Variants in DNAH9 observed in about 807,000 individuals in gnomAD.
DNAH9 encodes DNAH9 variant protein.
A neutral mutation model predicts 471.6 loss-of-function variants in DNAH9; 345 were observed. The ratio of observed to expected loss-of-function variants is 0.73; its 90% confidence interval spans 0.67 to 0.80. The LOEUF is 0.80. Ranked by LOEUF, DNAH9 falls within the 30% of genes least tolerant of loss-of-function variation. DNAH9 has a pLI of 0.00. For synonymous variants in DNAH9, 2,093 were observed against 2,123.6 expected, an observed-to-expected ratio of 0.99 and a Z score of 0.40; for missense variants, 5,407 against 5,609.2, an observed-to-expected ratio of 0.96 and a Z score of 1.15.
rs1014797770 is a variant in DNAH9 at position 11,654,417 on chromosome 17, T to A, written c.2595+1415T>A. Among the ~76,000 whole-genome samples, 3 of 150,306 alleles carry A rather than the reference T, an allele frequency of 2.0e-5. No individual in the cohort carries two copies. The South Asian group carries it at 6.4e-4, about 32-fold the overall frequency. On this transcript the variant is annotated intron_variant, in intron 14 of 68. Transcript: ENST00000262442. ...CTATCATCCATCTATCGTCTATGTATCTATCTATTGATGTATCACCTATCT... is the reference window on the plus strand; with the variant it reads ...CTATCATCCATCTATCGTCTATGTAACTATCTATTGATGTATCACCTATCT...
intron 17 of DNAH9, among the ~76,000 whole-genome samples, 153 bp from the exon 18 acceptor site, chr17:11,679,604 A>G (rs751400822): frequency 2.6e-5 from 4 of 152,238 alleles, no homozygotes; most frequent in Non-Finnish European, 5.9e-5. Flanking sequence ...TATTCTTAAC[A>G]TCAGAGCATA....
At chr17:11,929,776 C>A in intron 62 of DNAH9, 90 bp from the exon 63 acceptor site, 1 of 1,050,804 alleles carries the variant, frequency 9.5e-7, no homozygotes, top group South Asian at 1.6e-5. Flanking sequence ...AAGACCAGTC[C>A]CCCCTCTGGC....
Position 11,810,248 on chromosome 17 carries a change from G to A in DNAH9, c.8586G>A (p.Met2862Ile). The change falls in exon 45 of 69, where the codon ATG (methionine) becomes ATA (isoleucine). Residue 2862 changes from methionine to isoleucine, a missense_variant and splice_region_variant. Met to Ile is a conservative substitution (Grantham distance 10, BLOSUM62 1). Transcript: ENST00000262442. Reference sequence around the variant, plus strand: ...TCTGATATTGACCATTCCTACAGATGGACCTGGCCAGCCTGTGTCTGAAAG... The same window carrying A: ...TCTGATATTGACCATTCCTACAGATAGACCTGGCCAGCCTGTGTCTGAAAG... ...RKGYQIQDFK[M>I]DLASLCLKAG... 6.2e-7 allele frequency: 1 copy of A among 1,610,850 alleles called. No individual in the cohort carries two copies. The highest frequency in any genetic ancestry group is 8.5e-7 in the Non-Finnish European group (1 of 1,178,744).
intron 68 of DNAH9, among the ~76,000 whole-genome samples, chr17:11,968,201 G>A (rs1297890246): frequency 1.3e-5 from 2 of 150,518 alleles, no homozygotes; most frequent in African/African-American, 4.9e-5. Context: ...GTATGTTGGG[G>A]AAAAAAAAAG....
chr17:11,820,090 A>G (rs1388065474), intron 45 of DNAH9, among the ~76,000 whole-genome samples: 1 of 152,130 alleles, frequency 6.6e-6, no homozygotes, highest in East Asian at 1.9e-4. Context: ...GGTGATATCT[A>G]TTATTAAAGA....
chr17:11,630,453 A>C (rs984477177), intron 7 of DNAH9: 4 of 152,186 alleles, frequency 2.6e-5, no homozygotes, highest in East Asian at 3.9e-4. Context: ...CAAACAAAAA[A>C]CTGTATTGCT....
intron 67 of DNAH9, among the ~76,000 whole-genome samples, chr17:11,956,092 A>C (rs1362808476): frequency 6.6e-6 from 1 of 152,206 alleles, no homozygotes; most frequent in Non-Finnish European, 1.5e-5. Context: ...CTGATTACCA[A>C]AACAAAGGAC....
chr17:11,896,087 A>G (rs1426894738), intron 59 of DNAH9, among the ~76,000 whole-genome samples: 1 of 152,162 alleles, frequency 6.6e-6, no homozygotes, highest in African/African-American at 2.4e-5. Context: ...CCATCTTCCC[A>G]TCTTCACATG....
At position 11,843,859 on chromosome 17, in the gene DNAH9, GTGTGTATA is replaced by G. The variant is rs1216116505; in HGVS notation, c.9507+8963_9507+8970del. ...TATGTGTTTGTGTGTGTGTGTGTGTGTGTGTATATATATATATATATATATATATATAC... is the reference window on the plus strand; with the variant it reads ...TATGTGTTTGTGTGTGTGTGTGTGTGTATATATATATATATATATATATAC... On this transcript the variant is annotated intron_variant, in intron 49 of 68. Transcript: ENST00000262442. Among the ~76,000 whole-genome samples, 16 of 47,010 alleles carry G rather than the reference GTGTGTATA, an allele frequency of 3.4e-4. No individual in the cohort carries two copies. In the South Asian group the frequency reaches 7.0e-3, roughly 21 times the overall value. 30.8% of individuals were successfully genotyped at this position (47,010 alleles called of 152,430 possible).
At chr17:11,644,467 T>C (rs1490682727) in intron 10 of DNAH9, among the ~76,000 whole-genome samples, 164 bp from the exon 11 acceptor site, 1 of 152,092 alleles carries the variant, frequency 6.6e-6, no homozygotes, top group Non-Finnish European at 1.5e-5. Flanking sequence ...TGCCCTCTAG[T>C]GGCCAGAGTA....
chr17:11,786,093 AAAG>A (rs1968859824), intron 41 of DNAH9, among the ~76,000 whole-genome samples: 1 of 151,240 alleles, frequency 6.6e-6, no homozygotes, highest in Non-Finnish European at 1.5e-5. Flanking sequence ...ATGAAAAAAA[AAAG>A]AAGTTAACAT....
At chr17:11,628,852 A>G (rs1424259965) in intron 6 of DNAH9, among the ~76,000 whole-genome samples, 3 of 152,190 alleles carry the variant, frequency 2.0e-5, no homozygotes, top group African/African-American at 7.2e-5. Flanking sequence ...GTGGAAGCAT[A>G]CATTTCACTT....
intron 57 of DNAH9, among the ~76,000 whole-genome samples, chr17:11,890,877 C>T (rs1973030058): frequency 6.6e-6 from 1 of 152,036 alleles, no homozygotes; most frequent in Non-Finnish European, 1.5e-5. Flanking sequence ...TGTAGAGACA[C>T]GGTCTCGCTA....
rs374619249 is a variant in DNAH9, at chr17:11,669,687, C to T, written c.3246C>T (p.Asp1082=). 8.7e-6 allele frequency: 14 copies of T among 1,613,914 alleles called. No homozygotes were observed. The African/African-American group carries it at 9.3e-5, about 11-fold the overall frequency. The change falls in exon 17 of 69, where the codon GAC becomes GAT. Residue 1082 remains aspartate, a synonymous_variant. Coordinates refer to ENST00000262442, the MANE Select transcript of DNAH9 (RefSeq NM_001372.4). ...GGCTGGAACCCATCAAGGTGTTTGA[C>T]GGCTGGATGAAAATTGATATTCGAC... ...VCRLEPIKVF[D]GWMKIDIRPF... is the part of the protein sequence containing the mutation.
chr17:11,852,671 C>T (rs371470964), intron 49 of DNAH9, among the ~76,000 whole-genome samples: 1 of 151,514 alleles, frequency 6.6e-6, no homozygotes, highest in East Asian at 2.0e-4. Context: ...AGGGAGAATG[C>T]AATGAGTTGG....
intron 60 of DNAH9, among the ~76,000 whole-genome samples, chr17:11,903,593 T>A (rs1361829317): frequency 6.6e-6 from 1 of 151,982 alleles, no homozygotes; most frequent in Admixed American, 6.6e-5. Context: ...AAAGGAGTGA[T>A]TAGAGTAAGG....
In DNAH9 at chr17:11,690,151, C is replaced by G. The variant is rs756929313; in HGVS notation, c.4329C>G (p.Thr1443=). 3 of 1,614,208 alleles carry G rather than the reference C, an allele frequency of 1.9e-6. No individual in the cohort carries two copies. In the South Asian group the frequency reaches 3.3e-5, roughly 18 times the overall value. The change falls in exon 20 of 69, where the codon ACC becomes ACG. Residue 1443 remains threonine, a synonymous_variant. Transcript: ENST00000262442. ...MEKTLKELQT[T]WAGMEFQYEP... is the part of the protein sequence containing the mutation. ...AAACCTTAAAGGAGCTGCAGACTAC[C>G]TGGGCTGGCATGGAATTCCAGTATG...
At chr17:11,888,179 T>C (rs1972941453) in intron 57 of DNAH9, among the ~76,000 whole-genome samples, 2 of 151,914 alleles carry the variant, frequency 1.3e-5, no homozygotes, top group Non-Finnish European at 2.9e-5. Context: ...AGAGACGGGG[T>C]TTCACTGTGT....
Position 11,598,831 on chromosome 17 carries a change from AG to A in DNAH9, c.336del (p.Asp114ThrfsTer20). On this transcript the variant is annotated frameshift_variant, in exon 1 of 69. Coordinates refer to ENST00000262442, the MANE Select transcript of DNAH9 (RefSeq NM_001372.4). LOFTEE classifies it high-confidence loss of function. ...TCCTTCGCACCGGGCCCGAGCCTCC[AG>A]GGCCCGACAGCTTCCGCGGCGCAGT... Reference protein sequence around the residue: ...FFLRTGPEPPGPDSFRGAVVC... With the variant: ...FFLRTGPEPPXPDSFRGAVVC... 2 of 1,508,570 alleles carry A rather than the reference AG, an allele frequency of 1.3e-6. No homozygotes were observed. The highest frequency in any genetic ancestry group is 1.8e-6 in the Non-Finnish European group (2 of 1,133,536). The allele number at this position is 1,508,570 out of a possible 1,614,324, so 93.4% of individuals were successfully genotyped here.
Sources: gnomAD v4.1 joint callset for allele counts (sites outside exome capture counted in the v4.1 genomes callset) on GRCh38, gnomAD v4.1.1 for gene constraint, MANE v1.5 for transcripts, NCBI Gene and HGNC (gene_info 2026-07-23, HGNC 2026-07-21) for gene names.